FOXP1: variants seen among roughly 807,000 people sequenced by gnomAD.
FOXP1 encodes forkhead box P1.
A neutral mutation model predicts 98.2 loss-of-function variants in FOXP1; 15 were observed. That is an observed-to-expected ratio of 0.15 (90% CI 0.10 to 0.24). FOXP1 has a LOEUF of 0.24. Among genes scored for constraint, FOXP1 ranks in the 10% least tolerant of loss-of-function variants. The probability of loss-of-function intolerance (pLI) is 1.00; values close to 1 mark genes in which losing one functional copy is unlikely to be tolerated. For synonymous variants in FOXP1, 371 were observed against 314.5 expected (o/e 1.18, Z -1.90); for missense variants, 633 against 848.5 (o/e 0.75, Z 3.15).
At chr3:71,341,941 T>C (rs1424194807) in intron 4 of FOXP1, among the ~76,000 whole-genome samples, 1 of 152,246 alleles carries the variant, frequency 6.6e-6, no homozygotes, top group African/African-American at 2.4e-5. Flanking sequence ...CGCTTCTCAA[T>C]GATTTCCTAA....
At chr3:71,244,353 T>C (rs2067538084) in intron 5 of FOXP1, among the ~76,000 whole-genome samples, 1 of 152,198 alleles carries the variant, frequency 6.6e-6, no homozygotes, top group South Asian at 2.1e-4. Context: ...CAGCCACTCA[T>C]GCATTAGGAA....
intron 9 of FOXP1, 40 bp from the exon 10 acceptor site, chr3:71,047,135 C>T (rs377655908): frequency 5.0e-6 from 8 of 1,612,382 alleles, no homozygotes; most frequent in Non-Finnish European, 6.8e-6. Flanking sequence ...TGGCCACTTC[C>T]CAAGGAAGGT....
At chr3:70,984,419 T>G (rs2039393302) in intron 14 of FOXP1, among the ~76,000 whole-genome samples, 1 of 152,170 alleles carries the variant, frequency 6.6e-6, no homozygotes, top group Non-Finnish European at 1.5e-5. Context: ...TCCCCTGACT[T>G]TACCATTCTG....
At chr3:71,158,413 G>T (rs930283688) in intron 6 of FOXP1, among the ~76,000 whole-genome samples, 1 of 151,980 alleles carries the variant, frequency 6.6e-6, no homozygotes, top group African/African-American at 2.4e-5. Flanking sequence ...TGCAGACAAA[G>T]TTAGGAGGCC....
chr3:71,163,559 A>C (rs1224025330), intron 6 of FOXP1, among the ~76,000 whole-genome samples: 1 of 152,196 alleles, frequency 6.6e-6, no homozygotes, highest in Non-Finnish European at 1.5e-5. Flanking sequence ...TCTCTGCAGC[A>C]TTATCAAGGA....
At chr3:71,557,804 T>C (rs1217088108) in intron 2 of FOXP1, among the ~76,000 whole-genome samples, 1 of 151,914 alleles carries the variant, frequency 6.6e-6, no homozygotes, top group Non-Finnish European at 1.5e-5. Context: ...CAAACCTGTA[T>C]TTTTTATTTT....
chr3:71,370,798 GTT>G (rs71621937), intron 3 of FOXP1, among the ~76,000 whole-genome samples: 18 of 128,396 alleles, frequency 1.4e-4, no homozygotes, highest in African/African-American at 2.0e-4. Context: ...TTTTTTTGTT[GTT>G]TTTTTTTTTT....
At chr3:70,971,873 C>T (rs1384920182) in intron 18 of FOXP1, 3 of 599,098 alleles carry the variant, frequency 5.0e-6, no homozygotes, top group Non-Finnish European at 5.3e-6. Context: ...AATACATGTA[C>T]AAATCACACA....
intron 7 of FOXP1, among the ~76,000 whole-genome samples, chr3:71,093,646 G>C (rs1359933384): frequency 6.6e-6 from 1 of 151,238 alleles, no homozygotes; most frequent in Non-Finnish European, 1.5e-5. Flanking sequence ...AAGCAGGATC[G>C]GTACACTACA....
At chr3:71,416,582 A>ACG (rs1381603759) in intron 3 of FOXP1, among the ~76,000 whole-genome samples, 18 of 125,558 alleles carry the variant, frequency 1.4e-4, no homozygotes, top group African/African-American at 5.0e-4. Flanking sequence ...ACACACACAC[A>ACG]CACACACACA....
intron 4 of FOXP1, among the ~76,000 whole-genome samples, chr3:71,350,092 TGTCA>T (rs1412871824): frequency 6.6e-6 from 1 of 152,204 alleles, no homozygotes; most frequent in African/African-American, 2.4e-5. Context: ...ACTTGGAAGA[TGTCA>T]GATGGCTCAC....
At chr3:71,062,923 C>G (rs1372112295) in intron 7 of FOXP1, among the ~76,000 whole-genome samples, 1 of 152,106 alleles carries the variant, frequency 6.6e-6, no homozygotes, top group Admixed American at 6.6e-5. Context: ...TTTACCTAGT[C>G]AAATGTATTT....
At chr3:70,979,316 A>AAAAAAAAAAAAAG (rs1553670621) in intron 14 of FOXP1, among the ~76,000 whole-genome samples, 23 of 96,454 alleles carry the variant, frequency 2.4e-4, no homozygotes, top group East Asian at 3.7e-4. Context: ...AAAAAAAAAA[A>AAAAAAAAAAAAAG]AAAAGAAAAA....
intron 3 of FOXP1, among the ~76,000 whole-genome samples, chr3:71,434,143 A>C (rs1261480039): frequency 6.6e-6 from 1 of 152,248 alleles, no homozygotes; most frequent in Non-Finnish European, 1.5e-5. Context: ...CCTGACTTTT[A>C]AGGAGTTTAC....
At chr3:71,478,627 T>C (rs974597090) in intron 3 of FOXP1, among the ~76,000 whole-genome samples, 1 of 152,228 alleles carries the variant, frequency 6.6e-6, no homozygotes, top group African/African-American at 2.4e-5. Flanking sequence ...GAGCCCTCCA[T>C]GCGCCATGGG....
chr3:71,344,922 C>T (rs566656128), intron 4 of FOXP1, among the ~76,000 whole-genome samples: 184 of 152,272 alleles, frequency 1.2e-3, no homozygotes, highest in Admixed American at 3.8e-3. Context: ...AGGAACATTA[C>T]TTAGTGCTAA....
intron 6 of FOXP1, among the ~76,000 whole-genome samples, chr3:71,118,483 C>A (rs971014698): frequency 1.3e-5 from 2 of 152,132 alleles, no homozygotes; most frequent in Admixed American, 1.3e-4. Flanking sequence ...ATGGTTTGAA[C>A]AGGCATGCAC....
intron 8 of FOXP1, among the ~76,000 whole-genome samples, chr3:71,053,141 C>T (rs957106443): frequency 9.2e-5 from 14 of 152,126 alleles, no homozygotes; most frequent in Non-Finnish European, 1.6e-4. Context: ...CAATGACAAC[C>T]AGAAGTTCAT....
At chr3:71,582,359 C>T in intron 1 of FOXP1, 1 of 973,114 alleles carries the variant, frequency 1.0e-6, no homozygotes, top group Non-Finnish European at 1.2e-6. Flanking sequence ...AACTGGCAAA[C>T]TCCTCGGCTC....
Sources: gnomAD v4.1 joint callset for allele counts (sites outside exome capture counted in the v4.1 genomes callset) on GRCh38, gnomAD v4.1.1 for gene constraint, MANE v1.5 for transcripts, NCBI Gene and HGNC (gene_info 2026-07-23, HGNC 2026-07-21) for gene names.